The following RPP40 variants were observed in gnomAD, a reference collection of about 807,000 sequenced individuals.
RPP40 encodes ribonuclease P protein subunit p40.
Under a neutral mutation model 42.5 loss-of-function variants are expected in RPP40, and 30 were observed. The ratio of observed to expected loss-of-function variants is 0.71; its 90% CI spans 0.53 to 0.96. RPP40 has a LOEUF of 0.96. Among genes scored for constraint, RPP40 ranks in the 40% least tolerant of loss-of-function variants. The pLI is 0.00. For missense variants in RPP40, 426 were observed against 433.5 expected, an observed-to-expected ratio of 0.98 and a Z score of 0.15; for synonymous variants, 173 against 164.0, an observed-to-expected ratio of 1.05 and a Z score of -0.42.
At chr6:4,989,605 CA>C in the RPP40 span, among the ~76,000 whole-genome samples, 1 of 152,296 alleles carries the variant, frequency 6.6e-6, no homozygotes, top group Admixed American at 6.5e-5. Context: ...GTCTCTTTAT[CA>C]TATCAGTATT....
the RPP40 span, among the ~76,000 whole-genome samples, chr6:4,989,486 G>A: frequency 6.6e-6 from 1 of 151,936 alleles, no homozygotes; most frequent in Non-Finnish European, 1.5e-5. Context: ...CTGGGATTTT[G>A]ATTGTGATTG....
chr6:5,003,751 C>G (rs1022338632), intron 1 of RPP40, 129 bp downstream of exon 1: 8 of 1,233,680 alleles, frequency 6.5e-6, no homozygotes, highest in Middle Eastern at 3.9e-4. Context: ...TCCCAGCAAG[C>G]CGGGCGAGGG....
intron 1 of RPP40, chr6:5,003,575 C>A: frequency 3.6e-6 from 1 of 278,240 alleles, no homozygotes; most frequent in Non-Finnish European, 6.8e-6. Context: ...CGAATCCCTC[C>A]CTGGACTCAC....
At chr6:4,989,691 G>A in the RPP40 span, among the ~76,000 whole-genome samples, 1 of 152,082 alleles carries the variant, frequency 6.6e-6, no homozygotes, top group Non-Finnish European at 1.5e-5. Context: ...CTATTGCAAA[G>A]GTAGTATTGT....
chr6:5,003,176 G>A (rs1055631154), intron 1 of RPP40, among the ~76,000 whole-genome samples: 35 of 151,634 alleles, frequency 2.3e-4, no homozygotes, highest in Admixed American at 1.8e-3. Context: ...GTGAAACCTC[G>A]TCTCTACTAA....
chr6:4,991,641 A>T (rs1276257859), downstream of RPP40, among the ~76,000 whole-genome samples: 1 of 152,168 alleles, frequency 6.6e-6, no homozygotes, highest in African/African-American at 2.4e-5. Context: ...TAGTGGGTTG[A>T]TCTATGTCTC....
intron 7 of RPP40, 39 bp from the exon 8 acceptor site, chr6:4,995,315 GAGTT>G: frequency 1.4e-6 from 2 of 1,460,988 alleles, no homozygotes; most frequent in East Asian, 2.3e-5. Flanking sequence ...TTTTAAAAGA[GAGTT>G]AGGAATGTCT....
chr6:5,002,032 G>C, intron 2 of RPP40, 69 bp downstream of exon 2: 2 of 1,377,914 alleles, frequency 1.5e-6, no homozygotes, highest in Non-Finnish European at 2.0e-6. Flanking sequence ...AACAGCCCTA[G>C]CATCGTGATG....
At chr6:4,988,740 T>C in the RPP40 span, among the ~76,000 whole-genome samples, 2 of 152,240 alleles carry the variant, frequency 1.3e-5, no homozygotes, top group Non-Finnish European at 2.9e-5. Context: ...ATTTGTTTTT[T>C]TCCTAGGTCT....
chr6:4,996,884 T>G (rs754562502), intron 5 of RPP40, among the ~76,000 whole-genome samples: 2 of 152,212 alleles, frequency 1.3e-5, no homozygotes, highest in Non-Finnish European at 1.5e-5. Context: ...CAGGGATGTT[T>G]GTGTAGCCAA....
intron 4 of RPP40, 148 bp from the exon 5 acceptor site, chr6:4,998,989 G>T: frequency 2.0e-6 from 1 of 507,080 alleles, no homozygotes; most frequent in Non-Finnish European, 3.3e-6. Context: ...CCTTTGGTTT[G>T]CCAAATAAAT....
At chr6:4,996,493 C>G in intron 5 of RPP40, 73 bp from the exon 6 acceptor site, 1 of 1,331,518 alleles carries the variant, frequency 7.5e-7, no homozygotes, top group Non-Finnish European at 1.1e-6. Context: ...ATACCTGAAC[C>G]CACCCATTCC....
At chr6:4,991,694 T>C (rs893912777), downstream of RPP40, among the ~76,000 whole-genome samples, 6 of 152,202 alleles carry the variant, frequency 3.9e-5, no homozygotes, top group Non-Finnish European at 7.3e-5. Context: ...TTTGAAGCTT[T>C]GTTATGAGGT....
In RPP40 at chr6:4,996,212, A is replaced by G. The variant is rs1273941722; in HGVS notation, c.758+10T>C. On this transcript the variant is annotated intron_variant, in intron 6 of 7. Transcript: ENST00000380051. ...GAGCCCTGGAAGACACAGGGAGTTC[A>G]GATACCCACAGGTCGACATTACTGA... 1 of 1,612,938 alleles carries G rather than the reference A, an allele frequency of 6.2e-7. No homozygotes were observed. Among genetic ancestry groups the G allele is most frequent in the Non-Finnish European group, 8.5e-7 (1 of 1,179,074 alleles).
At chr6:4,998,688 G>GT in intron 5 of RPP40, 28 bp downstream of exon 5, 1 of 1,438,244 alleles carries the variant, frequency 7.0e-7, no homozygotes, top group Non-Finnish European at 9.5e-7. Flanking sequence ...CAAAATCACT[G>GT]TATCATTACA....
downstream of RPP40, among the ~76,000 whole-genome samples, chr6:4,993,464 T>C (rs1206687257): frequency 1.3e-5 from 2 of 152,234 alleles, no homozygotes; most frequent in Non-Finnish European, 2.9e-5. Context: ...TTGCTAACTT[T>C]AACATCTTAA....
intron 5 of RPP40, among the ~76,000 whole-genome samples, chr6:4,996,642 C>T (rs942323259): frequency 2.1e-4 from 32 of 152,358 alleles, no homozygotes; most frequent in Admixed American, 2.1e-3. Context: ...TGGAAAAGCA[C>T]AACAGTTTCT....
chr6:4,996,152 G>C, intron 6 of RPP40, 67 bp from the exon 7 acceptor site: 1 of 1,606,220 alleles, frequency 6.2e-7, no homozygotes, highest in Non-Finnish European at 8.5e-7. Flanking sequence ...CACTTCCAAA[G>C]TATTAAACTC....
chr6:5,002,297 C>T, intron 1 of RPP40, 52 bp from the exon 2 acceptor site: 3 of 1,432,338 alleles, frequency 2.1e-6, no homozygotes, highest in Non-Finnish European at 1.9e-6. Flanking sequence ...AGATGAACAC[C>T]CAGGTTTTTA....
Sources: allele counts gnomAD v4.1 joint callset (sites outside exome capture counted in the v4.1 genomes callset), GRCh38; gene constraint gnomAD v4.1.1; transcripts MANE v1.5; gene names NCBI Gene and HGNC (gene_info 2026-07-23, HGNC 2026-07-21).